WWP2: variants seen among roughly 807,000 people sequenced by gnomAD.
WWP2 encodes WW domain containing E3 ubiquitin protein ligase 2.
WWP2 carries 57 observed loss-of-function variants against 121.0 expected under a neutral mutation model. The observed-to-expected ratio is 0.47, with a 90% CI of 0.38 to 0.59. The LOEUF (loss-of-function observed/expected upper bound fraction) is 0.59. Among genes scored for constraint, WWP2 ranks in the 20% least tolerant of loss-of-function variants. The probability of loss-of-function intolerance (pLI) is 0.00; values close to 1 mark genes in which losing one functional copy is unlikely to be tolerated. For missense variants in WWP2, 962 were observed against 1,158.9 expected, an observed-to-expected ratio of 0.83 and a Z score of 2.47; for synonymous variants, 449 against 441.3, an observed-to-expected ratio of 1.02 and a Z score of -0.22.
chr16:69,896,811 C>A (rs112810285), intron 8 of WWP2, among the ~76,000 whole-genome samples: 5 of 151,716 alleles, frequency 3.3e-5, no homozygotes, highest in African/African-American at 1.2e-4. Flanking sequence ...CAGTTTCCTA[C>A]CTGGATGATT....
rs905343561 is a variant in WWP2 at position 69,930,120 on chromosome 16, G to A, written c.1317-10G>A. ...GCCAGCCCTTCACCCTTTTCTTCCC[G>A]TGTTTCCAGGATGATCCAGGAACCA... On this transcript the variant is annotated splice_polypyrimidine_tract_variant and intron_variant, in intron 12 of 23. Transcript: ENST00000359154. The A allele has an allele frequency of 6.2e-6, 10 of 1,613,596 alleles. No individual in the cohort carries two copies. Among genetic ancestry groups the A allele is most frequent in the Middle Eastern group, 1.6e-4 (1 of 6,082 alleles).
chr16:69,762,883 A>G (rs1368961553), intron 1 of WWP2, among the ~76,000 whole-genome samples: 1 of 152,040 alleles, frequency 6.6e-6, no homozygotes, highest in Non-Finnish European at 1.5e-5. Flanking sequence ...CGAGACTTTG[A>G]TGACGGTCCC....
chr16:69,802,003 C>G (rs953368135), intron 4 of WWP2, among the ~76,000 whole-genome samples: 2 of 151,786 alleles, frequency 1.3e-5, no homozygotes, highest in African/African-American at 2.4e-5. Context: ...GATCTTGGCT[C>G]ACCACAACCT....
At position 69,914,071 on chromosome 16, in the gene WWP2, CAAAAAAAAAAAAA is replaced by C. The variant is rs34269202; in HGVS notation, c.1005-3621_1005-3609del. ...TGGGCGACAGAGCGAGACTCTGTCT[CAAAAAAAAAAAAA>C]AAAAAAAAAAAAAAAAGAAAGTGAT... On this transcript the variant is annotated intron_variant, in intron 9 of 23. Coordinates refer to ENST00000359154, the MANE Select transcript of WWP2 (RefSeq NM_001270454.2). Among the ~76,000 whole-genome samples, 301 of 32,230 alleles carry C rather than the reference CAAAAAAAAAAAAA, an allele frequency of 9.3e-3. 2 individuals are homozygous for C. Among genetic ancestry groups the C allele is most frequent in the Non-Finnish European group, 0.013 (232 of 17,970 alleles). 21.1% of individuals were successfully genotyped at this position (32,230 alleles called of 152,430 possible).
rs193028648 is a variant in WWP2, at chr16:69,877,852, C to T, written c.703+5921C>T. Among the ~76,000 whole-genome samples the T allele has an allele frequency of 1.6e-3, 244 of 152,124 alleles. 2 individuals are homozygous for T. The highest frequency in any genetic ancestry group is 6.3e-4 in the Non-Finnish European group (43 of 67,990). ...AGATGGAGTCTCATGCTGTTGCCCA[C>T]GCTGGAGTGCAATGGCATGATCTTG... is the stretch of plus-strand genomic sequence containing the variant. On this transcript the variant is annotated intron_variant, in intron 7 of 23. Transcript: ENST00000359154.
chr16:69,885,191 T>C (rs979836465), intron 7 of WWP2, among the ~76,000 whole-genome samples: 1 of 152,004 alleles, frequency 6.6e-6, no homozygotes, highest in Non-Finnish European at 1.5e-5. Flanking sequence ...TTAGTTTTCC[T>C]AATAAATTTT....
intron 1 of WWP2, among the ~76,000 whole-genome samples, chr16:69,768,856 T>C (rs1319750375): frequency 6.6e-6 from 1 of 152,222 alleles, no homozygotes; most frequent in Non-Finnish European, 1.5e-5. Context: ...TTGGCAAAGT[T>C]GATTCTGTTT....
chr16:69,931,586 A>C lies in WWP2; in HGVS notation c.1593+6A>C. ...TCGAAGATTCCTTCCAACAGGTTAGATCATGGTGCCCGAAACCAGTGGCAG... is the reference window on the plus strand; with the variant it reads ...TCGAAGATTCCTTCCAACAGGTTAGCTCATGGTGCCCGAAACCAGTGGCAG... On this transcript the variant is annotated splice_donor_region_variant and intron_variant, in intron 15 of 23. Coordinates refer to ENST00000359154, the MANE Select transcript of WWP2 (RefSeq NM_001270454.2). The C allele has an allele frequency of 6.2e-7, 1 of 1,613,654 alleles. No individual in the cohort carries two copies.
intron 6 of WWP2, among the ~76,000 whole-genome samples, chr16:69,848,296 C>CA (rs1328137416): frequency 6.6e-6 from 1 of 151,932 alleles, no homozygotes; most frequent in Non-Finnish European, 1.5e-5. Context: ...TCTAAAAATA[C>CA]AAAGTTAGCC....
chr16:69,929,345 G>A (rs886609713), intron 11 of WWP2, 103 bp from the exon 12 acceptor site: 2 of 1,012,358 alleles, frequency 2.0e-6, no homozygotes, highest in African/African-American at 3.2e-5. Context: ...TGACAACAGG[G>A]AGATAAACTC....
intron 9 of WWP2, chr16:69,909,243 G>T (rs1311501202): frequency 1.0e-6 from 1 of 994,820 alleles, no homozygotes; most frequent in Non-Finnish European, 1.2e-6. Flanking sequence ...TCAAGGAGAA[G>T]GGGTTTGGTT....
chr16:69,902,345 G>C (rs560359494), intron 8 of WWP2, among the ~76,000 whole-genome samples: 33 of 152,328 alleles, frequency 2.2e-4, no homozygotes, highest in African/African-American at 7.9e-4. Context: ...TGAACCAAGG[G>C]CAGCTACAAT....
At chr16:69,836,161 C>G (rs1195095915) in intron 4 of WWP2, among the ~76,000 whole-genome samples, 1 of 152,158 alleles carries the variant, frequency 6.6e-6, no homozygotes, top group African/African-American at 2.4e-5. Flanking sequence ...CAAACATCAT[C>G]TAATATTCAG....
At chr16:69,763,677 AC>A (rs1465746832) in intron 1 of WWP2, among the ~76,000 whole-genome samples, 2 of 152,218 alleles carry the variant, frequency 1.3e-5, no homozygotes, top group African/African-American at 4.8e-5. Context: ...ATTTTTTAAA[AC>A]AATTTATTGC....
At chr16:69,766,774 T>G (rs1007448847) in intron 1 of WWP2, among the ~76,000 whole-genome samples, 1 of 152,070 alleles carries the variant, frequency 6.6e-6, no homozygotes, top group African/African-American at 2.4e-5. Flanking sequence ...CTTTATTATT[T>G]TTGGAGTGTT....
At chr16:69,869,726 G>A (rs1422214579) in intron 6 of WWP2, among the ~76,000 whole-genome samples, 1 of 152,106 alleles carries the variant, frequency 6.6e-6, no homozygotes, top group Non-Finnish European at 1.5e-5. Flanking sequence ...GCACAAAAGG[G>A]CTTCTTTATT....
intron 7 of WWP2, among the ~76,000 whole-genome samples, chr16:69,873,044 G>A (rs921530460): frequency 6.6e-5 from 10 of 152,224 alleles, no homozygotes; most frequent in African/African-American, 2.4e-4. Context: ...TGGATGAATT[G>A]TAGGTAGAGG....
Position 69,940,059 on chromosome 16 carries a change from C to A in WWP2, c.*119C>A. 2 of 769,926 alleles carry A rather than the reference C, an allele frequency of 2.6e-6. No individual in the cohort carries two copies. The highest frequency in any genetic ancestry group is 2.1e-6 in the Non-Finnish European group (1 of 485,702). 47.7% of individuals were successfully genotyped at this position (769,926 alleles called of 1,614,324 possible). A position where few individuals can be genotyped will look rare whatever the true frequency, so the allele number is the denominator to read the frequency against. On this transcript the variant is annotated 3_prime_UTR_variant, in exon 24 of 24. Coordinates refer to ENST00000359154, the MANE Select transcript of WWP2 (RefSeq NM_001270454.2). ...CCGTGGATGTGGCCCTGTGTGGGAC[C>A]ACACTGTCATCTCGCTGCTGGCAGA...
At chr16:69,774,388 G>A (rs1380079367) in intron 1 of WWP2, among the ~76,000 whole-genome samples, 4 of 152,084 alleles carry the variant, frequency 2.6e-5, no homozygotes, top group Middle Eastern at 3.4e-3. Flanking sequence ...AGCCTCCCGA[G>A]TAACTGTGAC....
Sources: allele counts gnomAD v4.1 joint callset (sites outside exome capture counted in the v4.1 genomes callset), GRCh38; gene constraint gnomAD v4.1.1; transcripts MANE v1.5; gene names NCBI Gene and HGNC (gene_info 2026-07-23, HGNC 2026-07-21).